NSUN3: variants seen among roughly 807,000 people sequenced by gnomAD.
NSUN3 encodes the protein tRNA (cytosine(34)-C(5))-methyltransferase, mitochondrial.
In NSUN3, 24 loss-of-function variants were observed where a neutral mutation model predicts 36.8. The ratio of observed to expected loss-of-function variants is 0.65; its 90% confidence interval spans 0.47 to 0.92. The LOEUF (loss-of-function observed/expected upper bound fraction) is 0.92, where lower values mean the gene tolerates loss of function less well. Among genes scored for constraint, NSUN3 ranks in the 40% least tolerant of loss-of-function variants. The pLI is 0.00. For missense variants in NSUN3, 381 were observed against 392.8 expected, an observed-to-expected ratio of 0.97 and a Z score of 0.25; for synonymous variants, 146 against 145.2, an observed-to-expected ratio of 1.01 and a Z score of -0.04.
Position 94,112,908 on chromosome 3 carries a change from G to A in NSUN3, c.744-13303G>A, listed in dbSNP as rs373370286. Among the ~76,000 whole-genome samples, 28 of 151,850 alleles carry A rather than the reference G, an allele frequency of 1.8e-4. No homozygotes were observed. In the East Asian group the frequency reaches 4.1e-3, roughly 22 times the overall value. ...GAGACGGAGTCTTGCTCTGTGGCCC[G>A]GGCTGGAGTGCAGTGGCACAATCTC... On this transcript the variant is annotated intron_variant, in intron 5 of 5. Transcript: ENST00000314622.
rs754390863 is a variant in NSUN3, at chr3:94,129,742, C to CTTTTTTT, written c.*3271_*3277dup. ...TCTATAAATTGTTTATATATGTTGT[C>CTTTTTTT]TTTTTTTTTTTTTTTTTTTTTTTTT... On this transcript the variant is annotated 3_prime_UTR_variant, in exon 6 of 6. Coordinates refer to ENST00000314622, the MANE Select transcript of NSUN3 (RefSeq NM_022072.5). 2.9e-4 allele frequency among the ~76,000 whole-genome samples: 26 copies of CTTTTTTT among 89,948 alleles called. No homozygotes were observed. Among genetic ancestry groups the CTTTTTTT allele is most frequent in the South Asian group, 4.3e-4 (1 of 2,344 alleles). 59.0% of individuals were successfully genotyped at this position (89,948 alleles called of 152,430 possible). A position where few individuals can be genotyped will look rare whatever the true frequency, so the allele number is the denominator to read the frequency against.
intron 5 of NSUN3, among the ~76,000 whole-genome samples, chr3:94,097,804 C>T (rs1037773854): frequency 1.3e-5 from 2 of 152,104 alleles, no homozygotes; most frequent in Admixed American, 1.3e-4. Flanking sequence ...TTAACTCGCT[C>T]CTCATCAGCT....
At chr3:94,092,249 G>C (rs986897176) in intron 3 of NSUN3, among the ~76,000 whole-genome samples, 8 of 152,190 alleles carry the variant, frequency 5.3e-5, no homozygotes, top group Admixed American at 2.6e-4. Flanking sequence ...TCCTGAGAAG[G>C]CTCTGTAATT....
In NSUN3 at chr3:94,084,202, G is replaced by T. The variant is rs775739914; in HGVS notation, c.218G>T (p.Gly73Val). ...FELEKDLHLKGYHTLSQGSLP... is the reference protein window; with the variant it reads ...FELEKDLHLKVYHTLSQGSLP... ...CTGGAAAAGGATTTACATTTGAAGG[G>T]CTATCACACACTCTCTCAGGGATCT... Residue 73 changes from glycine to valine, a missense_variant, in exon 3 of 6, where the codon GGC becomes GTC. Coordinates refer to ENST00000314622, the MANE Select transcript of NSUN3 (RefSeq NM_022072.5). 3.7e-6 allele frequency: 6 copies of T among 1,614,038 alleles called. No individual in the cohort carries two copies. The highest frequency in any genetic ancestry group is 4.2e-6 in the Non-Finnish European group (5 of 1,179,968).
At chr3:94,083,593 A>G (rs1289240730) in intron 2 of NSUN3, among the ~76,000 whole-genome samples, 1 of 152,234 alleles carries the variant, frequency 6.6e-6, no homozygotes, top group Admixed American at 6.5e-5. Flanking sequence ...AAGTGAAGTT[A>G]CAAAGTTCCA....
Position 94,126,266 on chromosome 3 carries a change from C to T in NSUN3, c.799C>T (p.Leu267Phe). 2 of 1,614,118 alleles carry T rather than the reference C, an allele frequency of 1.2e-6. No homozygotes were observed. The highest frequency in any genetic ancestry group is 3.3e-5 in the Admixed American group (2 of 60,010). The change falls in exon 6 of 6, where the codon CTT (leucine) becomes TTT (phenylalanine). Residue 267 changes from leucine to phenylalanine, a missense_variant. By Grantham distance (22) the Leu-to-Phe change is conservative. Coordinates refer to ENST00000314622, the MANE Select transcript of NSUN3 (RefSeq NM_022072.5). ...GGILVYSTCTLSKAENQDVIS... is the reference protein window; with the variant it reads ...GGILVYSTCTFSKAENQDVIS... ...GATACTTGTATACTCTACATGCACG[C>T]TTTCCAAGGCAGAAAATCAAGATGT...
chr3:94,091,215 C>G (rs1221999701), intron 3 of NSUN3, among the ~76,000 whole-genome samples: 1 of 152,082 alleles, frequency 6.6e-6, no homozygotes, highest in African/African-American at 2.4e-5. Flanking sequence ...GGAGAGCTTA[C>G]TTTCAAAGGA....
intron 5 of NSUN3, among the ~76,000 whole-genome samples, chr3:94,115,501 A>G (rs1273175788): frequency 6.6e-6 from 1 of 152,230 alleles, no homozygotes; most frequent in Non-Finnish European, 1.5e-5. Flanking sequence ...TTTCAAGAGC[A>G]CAGACATGTA....
intron 2 of NSUN3, among the ~76,000 whole-genome samples, chr3:94,073,058 AT>A (rs1254806691): frequency 6.6e-6 from 1 of 151,822 alleles, no homozygotes; most frequent in African/African-American, 2.4e-5. Flanking sequence ...GCAGTGTTTA[AT>A]TTTCTGTTCT....
intron 5 of NSUN3, among the ~76,000 whole-genome samples, chr3:94,121,006 C>G (rs1049009879): frequency 1.3e-5 from 2 of 151,646 alleles, no homozygotes; most frequent in Non-Finnish European, 2.9e-5. Flanking sequence ...GCTGTAAAAA[C>G]AAAAAAAGAG....
intron 3 of NSUN3, among the ~76,000 whole-genome samples, chr3:94,088,014 T>C (rs1336996254): frequency 1.3e-5 from 2 of 152,136 alleles, no homozygotes; most frequent in Non-Finnish European, 2.9e-5. Flanking sequence ...CTGAAAAGAC[T>C]CCTTTCTTGG....
At chr3:94,123,981 A>ATGTATGTATGTATATGTG (rs1315513304) in intron 5 of NSUN3, among the ~76,000 whole-genome samples, 1 of 152,016 alleles carries the variant, frequency 6.6e-6, no homozygotes, top group Non-Finnish European at 1.5e-5. Context: ...CTGTACATAT[A>ATGTATGTATGTATATGTG]TGTATGTATG....
At chr3:94,098,141 C>T (rs890426952) in intron 5 of NSUN3, among the ~76,000 whole-genome samples, 3 of 152,144 alleles carry the variant, frequency 2.0e-5, no homozygotes, top group Non-Finnish European at 2.9e-5. Context: ...GTAAATGCCA[C>T]GCCACCATAT....
At chr3:94,076,905 C>T in intron 2 of NSUN3, 1 of 1,361,422 alleles carries the variant, frequency 7.3e-7, no homozygotes. Context: ...AAATGAGCAT[C>T]ATCATTAGGG....
intron 5 of NSUN3, among the ~76,000 whole-genome samples, chr3:94,115,441 A>C (rs1209469351): frequency 6.6e-6 from 1 of 152,204 alleles, no homozygotes; most frequent in Non-Finnish European, 1.5e-5. Context: ...ATGAATAAAG[A>C]TGAGGAATAA....
chr3:94,089,765 C>G (rs1259447894), intron 3 of NSUN3, among the ~76,000 whole-genome samples: 4 of 152,148 alleles, frequency 2.6e-5, no homozygotes, highest in Non-Finnish European at 5.9e-5. Context: ...GGGTCTCTTC[C>G]AAGTGAACTG....
At position 94,127,052 on chromosome 3, in the gene NSUN3, T is replaced by G. The variant is rs1238661437; in HGVS notation, c.*562T>G. On this transcript the variant is annotated 3_prime_UTR_variant, in exon 6 of 6. Transcript: ENST00000314622. ...CTGTTAAAGACTATATTATGTTTAC[T>G]GCAAAGGTCAGTGACTCTACTGACA... 1.3e-5 allele frequency: 2 copies of G among 152,362 alleles called. No homozygotes were observed. The highest frequency in any genetic ancestry group is 2.1e-4 in the South Asian group (1 of 4,832). 9.4% of individuals were successfully genotyped at this position (152,362 alleles called of 1,614,324 possible).
intron 3 of NSUN3, among the ~76,000 whole-genome samples, chr3:94,090,870 C>T (rs895586623): frequency 6.6e-6 from 1 of 152,042 alleles, no homozygotes; most frequent in Non-Finnish European, 1.5e-5. Context: ...CCAGAGCCTA[C>T]CCAAGTAGAG....
intron 5 of NSUN3, among the ~76,000 whole-genome samples, chr3:94,125,455 C>T (rs957256727): frequency 1.3e-4 from 20 of 152,276 alleles, no homozygotes; most frequent in Middle Eastern, 3.4e-3. Flanking sequence ...CCCATAGTGG[C>T]TGCCTTAGAA....
Sources: gnomAD v4.1 joint callset for allele counts (sites outside exome capture counted in the v4.1 genomes callset) on GRCh38, gnomAD v4.1.1 for gene constraint, MANE v1.5 for transcripts, NCBI Gene and HGNC (gene_info 2026-07-23, HGNC 2026-07-21) for gene names.